NTM: variants seen among roughly 807,000 people sequenced by gnomAD.
NTM encodes neurotrimin.
In NTM, 13 loss-of-function variants were observed where a neutral mutation model predicts 42.1. The ratio of observed to expected loss-of-function variants is 0.31; its 90% confidence interval spans 0.20 to 0.49. NTM has a LOEUF of 0.49. Among genes scored for constraint, NTM ranks in the 20% least tolerant of loss-of-function variants. NTM has a pLI of 0.99. For synonymous variants in NTM, 187 were observed against 179.2 expected (o/e 1.04, Z -0.35); for missense variants, 373 against 452.8 (o/e 0.82, Z 1.60).
intron 2 of NTM, among the ~76,000 whole-genome samples, chr11:131,976,102 T>G (rs1180381362): frequency 7.1e-6 from 1 of 139,992 alleles, no homozygotes; most frequent in Non-Finnish European, 1.6e-5. Context: ...CCTCCTTCCC[T>G]CCCTCCCTCC....
intron 1 of NTM, among the ~76,000 whole-genome samples, chr11:131,762,751 C>A: frequency 6.6e-6 from 1 of 152,214 alleles, no homozygotes; most frequent in East Asian, 1.9e-4. Context: ...CCCAGGTGAC[C>A]CCATTATGAT....
chr11:131,848,328 C>T (rs940727722), intron 1 of NTM, among the ~76,000 whole-genome samples: 14 of 152,108 alleles, frequency 9.2e-5, no homozygotes, highest in African/African-American at 3.4e-4. Flanking sequence ...TTGGAGTTTC[C>T]TTGATTTTTC....
chr11:131,581,297 CG>C (rs2058388860), intron 1 of NTM, among the ~76,000 whole-genome samples: 1 of 151,968 alleles, frequency 6.6e-6, no homozygotes, highest in Admixed American at 6.5e-5. Context: ...TTCTTTTCCT[CG>C]GTCCCCAGGG....
chr11:132,040,453 G>A (rs934404161), intron 2 of NTM, among the ~76,000 whole-genome samples: 1 of 152,162 alleles, frequency 6.6e-6, no homozygotes, highest in African/African-American at 2.4e-5. Context: ...TTCAGGAGAA[G>A]AGCTTTCACT....
Position 132,003,072 on chromosome 11 carries a change from T to C in NTM, c.167+91424T>C, listed in dbSNP as rs1000108971. ...CTAGTGAGCGCACTAAACAGTAAGA[T>C]GCGCTGCCACAGTTGTGTGTGTAAT... On this transcript the variant is annotated intron_variant, in intron 2 of 8. Transcript: ENST00000683400. The surrounding 1 kb of genome is among the most constrained non-coding windows in gnomAD (Gnocchi z 6.0). 6.6e-6 allele frequency among the ~76,000 whole-genome samples: 1 copy of C among 152,138 alleles called. No individual in the cohort carries two copies. Among genetic ancestry groups the C allele is most frequent in the African/African-American group, 2.4e-5 (1 of 41,416 alleles).
At chr11:131,788,774 A>G (rs2089681324) in intron 1 of NTM, among the ~76,000 whole-genome samples, 1 of 152,064 alleles carries the variant, frequency 6.6e-6, no homozygotes, top group Admixed American at 6.5e-5. Flanking sequence ...CTTCCAACTT[A>G]AAGTTCTAGT....
At chr11:131,796,081 C>CA in intron 1 of NTM, 1 of 985,386 alleles carries the variant, frequency 1.0e-6, no homozygotes, top group Non-Finnish European at 1.2e-6. Context: ...GCGTAACTCA[C>CA]ACTAGTTATT....
chr11:131,766,079 G>C (rs1319237093), intron 1 of NTM, among the ~76,000 whole-genome samples: 1 of 152,092 alleles, frequency 6.6e-6, no homozygotes, highest in African/African-American at 2.4e-5. Flanking sequence ...GCATGGAGGG[G>C]GCTGACTGAG....
At chr11:131,830,849 C>T (rs762524459) in intron 1 of NTM, among the ~76,000 whole-genome samples, 18 of 152,162 alleles carry the variant, frequency 1.2e-4, no homozygotes, top group African/African-American at 3.9e-4. Flanking sequence ...TTTCTTTCAG[C>T]AGTGTTTTAT....
intron 2 of NTM, among the ~76,000 whole-genome samples, chr11:132,085,605 G>A (rs1452024483): frequency 6.6e-6 from 1 of 152,136 alleles, no homozygotes; most frequent in South Asian, 2.1e-4. Context: ...GAACTAAAAG[G>A]CGTTAAAGCT....
chr11:131,809,278 G>A lies in NTM; in HGVS notation c.83-102286G>A, dbSNP rs190725214. On this transcript the variant is annotated intron_variant, in intron 1 of 8. Transcript: ENST00000683400. ...ACAGTGCTGATGGGTCAGCTGGTAA[G>A]TAGCCATCCTCCCCGCACTGCCAGC... Among the ~76,000 whole-genome samples the A allele has an allele frequency of 1.4e-3, 217 of 152,362 alleles. 1 individual carries two copies. Among genetic ancestry groups the A allele is most frequent in the Non-Finnish European group, 2.4e-3 (163 of 68,042 alleles).
chr11:131,549,684 C>T (rs1043422972), intron 1 of NTM, among the ~76,000 whole-genome samples: 1 of 152,146 alleles, frequency 6.6e-6, no homozygotes, highest in African/African-American at 2.4e-5. Context: ...CAGGTGTCTT[C>T]GATCCTCAGA....
intron 2 of NTM, among the ~76,000 whole-genome samples, chr11:132,010,742 T>C (rs1038148957): frequency 3.3e-5 from 5 of 152,052 alleles, no homozygotes; most frequent in African/African-American, 1.2e-4. Flanking sequence ...TGTCTTTCTG[T>C]CTCCCTGTAA....
intron 1 of NTM, among the ~76,000 whole-genome samples, chr11:131,433,408 C>A (rs1304115887): frequency 1.3e-5 from 2 of 152,144 alleles, no homozygotes; most frequent in African/African-American, 4.8e-5. Context: ...CTGGAACTCC[C>A]ATCACCACTA....
At chr11:131,656,693 A>T (rs909156611) in intron 1 of NTM, among the ~76,000 whole-genome samples, 1 of 152,130 alleles carries the variant, frequency 6.6e-6, no homozygotes, top group Non-Finnish European at 1.5e-5. Context: ...AGGAAGGGGC[A>T]CTACCTCGTT....
chr11:132,020,279 A>G (rs1049810002), intron 2 of NTM, among the ~76,000 whole-genome samples: 1 of 152,118 alleles, frequency 6.6e-6, no homozygotes, highest in African/African-American at 2.4e-5. Context: ...ACCATTGTGA[A>G]TAACACTAAT....
chr11:131,942,994 G>A (rs1356367088), intron 2 of NTM, among the ~76,000 whole-genome samples: 2 of 151,642 alleles, frequency 1.3e-5, no homozygotes, highest in East Asian at 3.9e-4. Context: ...GCTACCGCAG[G>A]GCATTCCTGG....
chr11:132,314,514 A>G (rs1323396837), intron 6 of NTM, 38 bp from the exon 7 acceptor site: 1 of 1,587,308 alleles, frequency 6.3e-7, no homozygotes, highest in South Asian at 1.2e-5. Context: ...ACACATAACC[A>G]TCTTGTTTTC....
intron 2 of NTM, among the ~76,000 whole-genome samples, chr11:132,038,782 T>G (rs1030023426): frequency 6.6e-6 from 1 of 152,178 alleles, no homozygotes; most frequent in Non-Finnish European, 1.5e-5. Context: ...TCAGGCAAGT[T>G]GGGCCCCAAA....
Sources: gnomAD v4.1 joint callset for allele counts (sites outside exome capture counted in the v4.1 genomes callset) on GRCh38, gnomAD v4.1.1 for gene constraint, Gnocchi (gnomAD v3.1) non-coding constraint, MANE v1.5 for transcripts, NCBI Gene and HGNC (gene_info 2026-07-23, HGNC 2026-07-21) for gene names.